Variants in TTBK2 observed in about 807,000 individuals in gnomAD.
The protein encoded by TTBK2 is tau-tubulin kinase 2.
TTBK2 carries 28 observed loss-of-function variants against 110.8 expected under a neutral mutation model. The ratio of observed to expected loss-of-function variants is 0.25; its 90% CI spans 0.19 to 0.35. The LOEUF (loss-of-function observed/expected upper bound fraction) is 0.35, where lower values mean the gene tolerates loss of function less well. TTBK2 is among the 10% of genes least tolerant of loss of function. The pLI is 1.00. For missense variants in TTBK2, 1,369 were observed against 1,500.3 expected (o/e 0.91, Z 1.45); for synonymous variants, 532 against 527.3 (o/e 1.01, Z -0.12).
At chr15:42,842,612 T>A (rs1893265999) in intron 3 of TTBK2, among the ~76,000 whole-genome samples, 1 of 151,884 alleles carries the variant, frequency 6.6e-6, no homozygotes, top group Non-Finnish European at 1.5e-5. Context: ...CAAAGCCAGG[T>A]GCAGTGGCTT....
At chr15:42,818,023 A>C (rs1475893004) in intron 6 of TTBK2, among the ~76,000 whole-genome samples, 1 of 151,670 alleles carries the variant, frequency 6.6e-6, no homozygotes, top group Non-Finnish European at 1.5e-5. Context: ...CACCTTTACT[A>C]CCCCCAAATC....
intron 4 of TTBK2, among the ~76,000 whole-genome samples, chr15:42,834,730 C>T (rs914214957): frequency 2.6e-5 from 4 of 151,890 alleles, no homozygotes; most frequent in Non-Finnish European, 4.4e-5. Flanking sequence ...TAAAAAAATT[C>T]GCTGGGTATG....
chr15:42,908,239 G>T (rs1233960094), intron 1 of TTBK2: 1 of 152,248 alleles, frequency 6.6e-6, no homozygotes, highest in Admixed American at 6.5e-5. Context: ...ACTTTGGGAA[G>T]TTGAGGTGGG....
chr15:42,829,855 G>A, intron 5 of TTBK2, 83 bp downstream of exon 5: 1 of 1,558,112 alleles, frequency 6.4e-7, no homozygotes, highest in African/African-American at 1.4e-5. Flanking sequence ...AATACACAAA[G>A]CTACATTTGT....
Position 42,859,653 on chromosome 15 carries a change from G to A in TTBK2, c.217+12958C>T, listed in dbSNP as rs370697512. Among the ~76,000 whole-genome samples, 16 of 152,176 alleles carry A rather than the reference G, an allele frequency of 1.1e-4. No homozygotes were observed. In the East Asian group the frequency reaches 3.1e-3, roughly 29 times the overall value. On this transcript the variant is annotated intron_variant, in intron 3 of 14. Transcript: ENST00000267890. ...GTCTATTTTTGGCATTTGCTTTTAT[G>A]CAGTACATTATGTCTAGCCATCAAG...
chr15:42,890,372 T>G lies in TTBK2; in HGVS notation c.-67-11688A>C, dbSNP rs145838315. 1.5e-3 allele frequency among the ~76,000 whole-genome samples: 229 copies of G among 152,342 alleles called. 1 individual carries two copies. Among genetic ancestry groups the G allele is most frequent in the African/African-American group, 5.3e-3 (219 of 41,586 alleles). ...TGAGACAATAAGCATATCCATATGT[T>G]GTGAGGGTAGTGTATCCTAACTTCA... On this transcript the variant is annotated intron_variant, in intron 1 of 14. Transcript: ENST00000267890.
chr15:42,751,597 C>T (rs1028753796), intron 14 of TTBK2, among the ~76,000 whole-genome samples: 4 of 152,048 alleles, frequency 2.6e-5, no homozygotes, highest in Non-Finnish European at 1.5e-5. Flanking sequence ...AATAAAATAA[C>T]CTGGTGTGGT....
At chr15:42,784,685 G>C (rs1890333223) in intron 10 of TTBK2, among the ~76,000 whole-genome samples, 1 of 152,232 alleles carries the variant, frequency 6.6e-6, no homozygotes, top group South Asian at 2.1e-4. Flanking sequence ...TGGGAAGCAA[G>C]AATGACAATT....
intron 1 of TTBK2, among the ~76,000 whole-genome samples, chr15:42,911,429 T>C (rs1379162954): frequency 6.6e-6 from 1 of 152,202 alleles, no homozygotes; most frequent in Non-Finnish European, 1.5e-5. Context: ...TAGCAAGACC[T>C]TGTCTCTAAC....
At position 42,878,118 on chromosome 15, in the gene TTBK2, G is replaced by A. The variant is rs543284567; in HGVS notation, c.69+431C>T. ...ACCTCCTGAGTAGCTGGGACTACAG[G>A]CGCCTGCACCACGCCCAGCTAATTT... On this transcript the variant is annotated intron_variant, in intron 2 of 14. Transcript: ENST00000267890. Among the ~76,000 whole-genome samples the A allele has an allele frequency of 3.1e-4, 46 of 148,870 alleles. No homozygotes were observed. The East Asian group carries it at 3.1e-3, about 10-fold the overall frequency.
intron 6 of TTBK2, 94 bp from the exon 7 acceptor site, chr15:42,817,191 C>G: frequency 2.3e-6 from 2 of 854,468 alleles, no homozygotes; most frequent in Non-Finnish European, 3.4e-6. Context: ...GAAACACGTC[C>G]TTTATTGTCA....
rs182614063 is a variant in TTBK2 at position 42,903,148 on chromosome 15, A to T, written c.-68+17290T>A. Among the ~76,000 whole-genome samples, 5 of 152,294 alleles carry T rather than the reference A, an allele frequency of 3.3e-5. No individual in the cohort carries two copies. In the East Asian group the frequency reaches 9.6e-4, roughly 29 times the overall value. On this transcript the variant is annotated intron_variant, in intron 1 of 14. Transcript: ENST00000267890. Reference sequence around the variant, plus strand: ...TAAAATGCAGATAAACCTTAAAGACATCACACTAAGTGAAATGATTCAGCA... The same window carrying T: ...TAAAATGCAGATAAACCTTAAAGACTTCACACTAAGTGAAATGATTCAGCA...
At chr15:42,779,745 C>T (rs964266916) in intron 11 of TTBK2, among the ~76,000 whole-genome samples, 1 of 151,772 alleles carries the variant, frequency 6.6e-6, no homozygotes, top group Admixed American at 6.6e-5. Flanking sequence ...TTTGTGAGGT[C>T]GAGGCAGGTG....
intron 8 of TTBK2, 145 bp downstream of exon 8, chr15:42,811,543 C>T (rs1891720582): frequency 1.5e-6 from 1 of 651,714 alleles, no homozygotes; most frequent in African/African-American, 1.8e-5. Flanking sequence ...TGTCAGCTCA[C>T]ACAGAAAAAT....
intron 13 of TTBK2, among the ~76,000 whole-genome samples, chr15:42,757,560 G>T (rs1225437778): frequency 6.6e-6 from 1 of 152,194 alleles, no homozygotes; most frequent in African/African-American, 2.4e-5. Flanking sequence ...AACTGAGTCT[G>T]CAATAACATT....
chr15:42,762,620 G>A (rs1030380180), intron 13 of TTBK2, among the ~76,000 whole-genome samples: 1 of 152,158 alleles, frequency 6.6e-6, no homozygotes, highest in African/African-American at 2.4e-5. Context: ...AGGAGGCTGA[G>A]GCAGGAGCAT....
intron 13 of TTBK2, among the ~76,000 whole-genome samples, chr15:42,759,736 C>T (rs1260100077): frequency 6.6e-6 from 1 of 152,148 alleles, no homozygotes; most frequent in African/African-American, 2.4e-5. Flanking sequence ...AGGCACCACA[C>T]CCAACTGATA....
intron 13 of TTBK2, among the ~76,000 whole-genome samples, chr15:42,764,446 G>C (rs1889258661): frequency 1.3e-5 from 2 of 152,278 alleles, no homozygotes; most frequent in South Asian, 4.1e-4. Context: ...GGCACACCAG[G>C]AGATTACATC....
At chr15:42,751,410 GTACT>G (rs916765330) in intron 14 of TTBK2, among the ~76,000 whole-genome samples, 3 of 152,196 alleles carry the variant, frequency 2.0e-5, no homozygotes, top group African/African-American at 7.2e-5. Flanking sequence ...CAATGTGAAT[GTACT>G]TACTACCACT....
Sources: gnomAD v4.1 joint callset for allele counts (sites outside exome capture counted in the v4.1 genomes callset) on GRCh38, gnomAD v4.1.1 for gene constraint, MANE v1.5 for transcripts, NCBI Gene and HGNC (gene_info 2026-07-23, HGNC 2026-07-21) for gene names.